CEP128: variants seen among roughly 807,000 people sequenced by gnomAD.
CEP128 encodes the protein centrosomal protein 128kDa.
In CEP128, 132 loss-of-function variants were observed where a neutral mutation model predicts 156.7. The ratio of observed to expected loss-of-function variants is 0.84; its 90% confidence interval spans 0.73 to 0.97. The LOEUF (loss-of-function observed/expected upper bound fraction) is 0.97. Among genes scored for constraint, CEP128 ranks in the 50% least tolerant of loss-of-function variants. The pLI is 0.00. For missense variants in CEP128, 1,252 were observed against 1,281.9 expected (o/e 0.98, Z 0.36); for synonymous variants, 469 against 448.9 (o/e 1.04, Z -0.57).
chr14:80,586,129 AGTAC>A (rs1334026226), intron 19 of CEP128, among the ~76,000 whole-genome samples: 4 of 152,276 alleles, frequency 2.6e-5, no homozygotes, highest in South Asian at 2.1e-4. Context: ...TTCCTAAAGA[AGTAC>A]AATTCTGTCT....
chr14:80,563,786 C>G (rs763968086), intron 20 of CEP128, among the ~76,000 whole-genome samples: 1 of 152,066 alleles, frequency 6.6e-6, no homozygotes, highest in Non-Finnish European at 1.5e-5. Context: ...CCGCCTGCCT[C>G]GGCCTCCCAA....
chr14:80,570,278 C>T (rs763574842), intron 20 of CEP128, among the ~76,000 whole-genome samples: 5 of 152,040 alleles, frequency 3.3e-5, no homozygotes, highest in African/African-American at 4.8e-5. Flanking sequence ...TCACCACGCC[C>T]GGCTAATTTT....
chr14:80,545,617 C>T (rs1468679659), intron 21 of CEP128, among the ~76,000 whole-genome samples: 1 of 152,054 alleles, frequency 6.6e-6, no homozygotes, highest in Non-Finnish European at 1.5e-5. Context: ...CTCCCTTGAT[C>T]CTTGGACAGT....
At chr14:80,894,082 G>C (rs936119928) in intron 8 of CEP128, among the ~76,000 whole-genome samples, 1 of 151,798 alleles carries the variant, frequency 6.6e-6, no homozygotes, top group Admixed American at 6.6e-5. Context: ...GAACATCTTC[G>C]TGATCTAAGT....
upstream of CEP128, among the ~76,000 whole-genome samples, chr14:80,943,287 C>T (rs531295552): frequency 1.3e-5 from 2 of 152,214 alleles, no homozygotes; most frequent in East Asian, 3.9e-4. Context: ...GAGAAAAAGA[C>T]AATAAATGAT....
chr14:80,867,525 T>C (rs1383840062), intron 8 of CEP128, among the ~76,000 whole-genome samples: 2 of 152,092 alleles, frequency 1.3e-5, no homozygotes, highest in East Asian at 1.9e-4. Flanking sequence ...TCAGCAGAGA[T>C]AGAAACCATC....
intron 16 of CEP128, among the ~76,000 whole-genome samples, chr14:80,772,513 A>G (rs1268986424): frequency 1.3e-5 from 2 of 152,114 alleles, no homozygotes; most frequent in Non-Finnish European, 2.9e-5. Context: ...GCGTGAATTG[A>G]TTCTTCCTGG....
chr14:80,530,738 G>A (rs1889186261), intron 22 of CEP128, 71 bp downstream of exon 22: 4 of 1,059,524 alleles, frequency 3.8e-6, no homozygotes, highest in Admixed American at 4.8e-5. Flanking sequence ...ACTTTTCTTT[G>A]CACATCAGGA....
intron 19 of CEP128, among the ~76,000 whole-genome samples, chr14:80,632,227 T>C (rs985919737): frequency 2.0e-5 from 3 of 151,998 alleles, no homozygotes; most frequent in Non-Finnish European, 4.4e-5. Context: ...CATCACTAAA[T>C]AATACATTGT....
intron 19 of CEP128, among the ~76,000 whole-genome samples, chr14:80,685,811 C>G (rs963088055): frequency 6.6e-6 from 1 of 152,046 alleles, no homozygotes; most frequent in Non-Finnish European, 1.5e-5. Context: ...AACTGCACTC[C>G]TAGCACTATC....
intron 23 of CEP128, among the ~76,000 whole-genome samples, chr14:80,520,405 C>A (rs767103618): frequency 2.0e-5 from 3 of 147,252 alleles, no homozygotes; most frequent in Non-Finnish European, 4.5e-5. Flanking sequence ...GGTGACAGAG[C>A]GAGATTCCAT....
intron 20 of CEP128, among the ~76,000 whole-genome samples, chr14:80,560,643 G>A (rs952347548): frequency 1.3e-5 from 2 of 152,184 alleles, no homozygotes; most frequent in East Asian, 1.9e-4. Flanking sequence ...CAGACCCACC[G>A]TTAATCTGGT....
At chr14:80,749,909 C>T (rs1899302492) in intron 18 of CEP128, among the ~76,000 whole-genome samples, 1 of 151,426 alleles carries the variant, frequency 6.6e-6, no homozygotes, top group African/African-American at 2.4e-5. Flanking sequence ...CTTTGGCAAA[C>T]AAAAGAAATA....
chr14:80,673,784 TTCTC>T (rs750554310), intron 19 of CEP128, among the ~76,000 whole-genome samples: 117 of 151,674 alleles, frequency 7.7e-4, no homozygotes, highest in African/African-American at 2.5e-3. Flanking sequence ...TCTTTTCTCT[TTCTC>T]TCTCTCTCTT....
intron 4 of CEP128, among the ~76,000 whole-genome samples, chr14:80,910,435 T>G (rs1403668110): frequency 6.6e-6 from 1 of 152,114 alleles, no homozygotes; most frequent in East Asian, 1.9e-4. Context: ...GTATAGTGAG[T>G]GAGTTATCAT....
chr14:80,788,706 T>C (rs1215424610), intron 14 of CEP128, among the ~76,000 whole-genome samples: 2 of 152,102 alleles, frequency 1.3e-5, no homozygotes, highest in Non-Finnish European at 2.9e-5. Context: ...TTTAGAACAA[T>C]ATGATCCTCT....
intron 18 of CEP128, among the ~76,000 whole-genome samples, chr14:80,752,581 A>G (rs1899449420): frequency 6.6e-6 from 1 of 152,236 alleles, no homozygotes. Flanking sequence ...ATCCACATCT[A>G]TCAATAAGAA....
chr14:80,797,166 G>A (rs534251977), intron 13 of CEP128, among the ~76,000 whole-genome samples: 2 of 152,126 alleles, frequency 1.3e-5, no homozygotes, highest in African/African-American at 4.8e-5. Context: ...TAACTTCAGG[G>A]TTATTTAATC....
intron 19 of CEP128, among the ~76,000 whole-genome samples, chr14:80,679,545 T>C (rs776595705): frequency 3.3e-5 from 5 of 152,204 alleles, no homozygotes; most frequent in African/African-American, 4.8e-5. Context: ...CCTGGAGAAT[T>C]TGAGGTCAGA....
Sources: allele counts gnomAD v4.1 joint callset (sites outside exome capture counted in the v4.1 genomes callset), GRCh38; gene constraint gnomAD v4.1.1; transcripts MANE v1.5; gene names NCBI Gene and HGNC (gene_info 2026-07-23, HGNC 2026-07-21).